The following MSRA variants were observed in gnomAD, a reference collection of about 807,000 sequenced individuals.
MSRA encodes methionine sulfoxide reductase A, also known as mitochondrial peptide methionine sulfoxide reductase.
A neutral mutation model predicts 31.3 loss-of-function variants in MSRA; 54 were observed. The ratio of observed to expected loss-of-function variants is 1.73; its 90% CI spans 1.39 to 2.17. The LOEUF is 2.17. Among genes scored for constraint, MSRA ranks in the 30% most tolerant of loss-of-function variants. The pLI is 0.00. For synonymous variants in MSRA, 169 were observed against 116.5 expected (o/e 1.45, Z -2.90); for missense variants, 507 against 300.9 (o/e 1.69, Z -5.07).
chr8:10,132,228 A>C (rs1783038163), intron 1 of MSRA, among the ~76,000 whole-genome samples: 1 of 152,320 alleles, frequency 6.6e-6, no homozygotes, highest in East Asian at 1.9e-4. Flanking sequence ...CTCCCCTTTC[A>C]CAAAAAAAGT....
At chr8:10,063,778 C>T (rs756778489) in intron 1 of MSRA, among the ~76,000 whole-genome samples, 2 of 152,326 alleles carry the variant, frequency 1.3e-5, no homozygotes, top group South Asian at 2.1e-4. Flanking sequence ...CTTGGACTTC[C>T]AGTCTCCAGT....
intron 5 of MSRA, among the ~76,000 whole-genome samples, chr8:10,351,632 T>G (rs1362810730): frequency 1.3e-5 from 2 of 152,214 alleles, no homozygotes; most frequent in Non-Finnish European, 2.9e-5. Flanking sequence ...TAAAATATCT[T>G]TGTAGGGCAG....
At chr8:10,066,545 T>G (rs907846626) in intron 1 of MSRA, among the ~76,000 whole-genome samples, 2 of 152,154 alleles carry the variant, frequency 1.3e-5, no homozygotes, top group Non-Finnish European at 2.9e-5. Context: ...CTGTTTTTCT[T>G]TTTTTGAGAC....
In MSRA at chr8:10,428,409, C is replaced by T. The variant is rs891397969; in HGVS notation, c.*97C>T. The T allele has an allele frequency of 2.3e-6, 3 of 1,299,946 alleles. No homozygotes were observed. The highest frequency in any genetic ancestry group is 3.2e-6 in the Non-Finnish European group (3 of 930,352). 80.5% of individuals were successfully genotyped at this position (1,299,946 alleles called of 1,614,324 possible). A position where few individuals can be genotyped will look rare whatever the true frequency, so the allele number is the denominator to read the frequency against. ...ATTCACAATCGTGGCATTTAAAGTG[C>T]ACAAAGTACAAAGGAATTTATACAG... On this transcript the variant is annotated 3_prime_UTR_variant, in exon 6 of 6. Transcript: ENST00000317173.
intron 3 of MSRA, among the ~76,000 whole-genome samples, chr8:10,299,918 A>G (rs1028300668): frequency 2.6e-5 from 4 of 152,248 alleles, no homozygotes; most frequent in African/African-American, 9.6e-5. Context: ...GCATGGAAAA[A>G]TATTTACATT....
At chr8:10,346,878 CCTGGG>C (rs958523200) in intron 5 of MSRA, among the ~76,000 whole-genome samples, 10 of 152,142 alleles carry the variant, frequency 6.6e-5, no homozygotes, top group African/African-American at 2.4e-4. Flanking sequence ...AGGTTGGCTC[CCTGGG>C]CTGGTTGCTG....
intron 3 of MSRA, among the ~76,000 whole-genome samples, chr8:10,269,037 A>G (rs1447969199): frequency 2.0e-5 from 3 of 152,236 alleles, no homozygotes; most frequent in African/African-American, 7.2e-5. Flanking sequence ...GTTTCCTTGC[A>G]CAGTCGTTTG....
intron 1 of MSRA, among the ~76,000 whole-genome samples, chr8:10,073,845 AT>A (rs1252747122): frequency 6.6e-6 from 1 of 152,012 alleles, no homozygotes; most frequent in Non-Finnish European, 1.5e-5. Context: ...CCCTGAACAA[AT>A]TACTTTCATT....
Position 10,411,614 on chromosome 8 carries a change from C to T in MSRA, c.544-16534C>T, listed in dbSNP as rs1287365576. ...TGCAAGCTGGTCAGCCTGTTTGCAG[C>T]TGACAGATGTAACCTGCCCTAGGGC... is the stretch of plus-strand genomic sequence containing the variant. On this transcript the variant is annotated intron_variant, in intron 5 of 5. Coordinates refer to ENST00000317173, the MANE Select transcript of MSRA (RefSeq NM_012331.5). 2.0e-5 allele frequency: 3 copies of T among 152,152 alleles called. No individual in the cohort carries two copies. In the East Asian group the frequency reaches 5.8e-4, roughly 29 times the overall value. The allele number at this position is 152,152 out of a possible 1,614,324, so 9.4% of individuals were successfully genotyped here. A position where few individuals can be genotyped will look rare whatever the true frequency, so the allele number is the denominator to read the frequency against.
At chr8:10,206,545 G>A (rs1808993674) in intron 1 of MSRA, among the ~76,000 whole-genome samples, 1 of 152,190 alleles carries the variant, frequency 6.6e-6, no homozygotes, top group African/African-American at 2.4e-5. Context: ...CCTAGTCTCG[G>A]TCTAAGAGAT....
At chr8:10,416,784 G>C (rs1808487092) in intron 5 of MSRA, among the ~76,000 whole-genome samples, 1 of 152,214 alleles carries the variant, frequency 6.6e-6, no homozygotes, top group African/African-American at 2.4e-5. Flanking sequence ...TGCAAACTTT[G>C]CAGGCTGTCT....
chr8:10,329,780 T>A (rs1802584794), intron 5 of MSRA, among the ~76,000 whole-genome samples: 1 of 150,112 alleles, frequency 6.7e-6, no homozygotes, highest in Admixed American at 6.7e-5. Flanking sequence ...CAGAACACAC[T>A]CAGGTTTCCC....
intron 1 of MSRA, among the ~76,000 whole-genome samples, chr8:10,173,472 G>A (rs1318713628): frequency 1.3e-5 from 2 of 152,200 alleles, no homozygotes; most frequent in Non-Finnish European, 2.9e-5. Flanking sequence ...CATCTATACT[G>A]GGCCAAGTCT....
chr8:10,166,777 C>T, intron 1 of MSRA, among the ~76,000 whole-genome samples: 1 of 152,152 alleles, frequency 6.6e-6, no homozygotes, highest in African/African-American at 2.4e-5. Flanking sequence ...TTGCCCATTT[C>T]TAGGTGTGTG....
chr8:10,333,534 G>A (rs1010973324), intron 5 of MSRA, among the ~76,000 whole-genome samples: 1 of 152,182 alleles, frequency 6.6e-6, no homozygotes, highest in Non-Finnish European at 1.5e-5. Context: ...CTTTGTGTAT[G>A]ACCTTGGGTT....
intron 1 of MSRA, among the ~76,000 whole-genome samples, chr8:10,090,303 G>A (rs559854928): frequency 2.6e-5 from 4 of 152,334 alleles, no homozygotes; most frequent in African/African-American, 9.6e-5. Flanking sequence ...AGGGAGCGAT[G>A]TTTGGATGGA....
chr8:10,136,488 C>T (rs1433293498), intron 1 of MSRA, among the ~76,000 whole-genome samples: 3 of 152,210 alleles, frequency 2.0e-5, no homozygotes, highest in Non-Finnish European at 4.4e-5. Context: ...TTAAAAAGTG[C>T]AGATAACCAG....
At chr8:10,240,955 G>C (rs943878991) in intron 2 of MSRA, among the ~76,000 whole-genome samples, 2 of 152,150 alleles carry the variant, frequency 1.3e-5, no homozygotes, top group African/African-American at 4.8e-5. Context: ...GGTGCTGGGG[G>C]AGTCTGGCTT....
intron 1 of MSRA, chr8:10,059,078 G>T (rs1415745172): frequency 1.3e-5 from 2 of 152,172 alleles, no homozygotes; most frequent in Admixed American, 1.3e-4. Context: ...AAATACATAA[G>T]GGAATGCAGC....
Sources: allele counts gnomAD v4.1 joint callset (sites outside exome capture counted in the v4.1 genomes callset), GRCh38; gene constraint gnomAD v4.1.1; transcripts MANE v1.5; gene names NCBI Gene and HGNC (gene_info 2026-07-23, HGNC 2026-07-21).